The following C11orf65 variants were observed in gnomAD, a reference collection of about 807,000 sequenced individuals.
C11orf65 encodes protein MFI.
Under a neutral mutation model 35.3 loss-of-function variants are expected in C11orf65, and 38 were observed. That is an observed-to-expected ratio of 1.08 (90% CI 0.83 to 1.41). The LOEUF (loss-of-function observed/expected upper bound fraction) is 1.41. C11orf65 is among the 40% of genes most tolerant of loss of function. C11orf65 has a pLI of 0.00. For missense variants in C11orf65, 370 were observed against 367.1 expected, an observed-to-expected ratio of 1.01 and a Z score of -0.06; for synonymous variants, 105 against 114.4, an observed-to-expected ratio of 0.92 and a Z score of 0.53.
At chr11:108,393,925 A>C (rs575249963) in intron 6 of C11orf65, among the ~76,000 whole-genome samples, 1 of 152,196 alleles carries the variant, frequency 6.6e-6, no homozygotes, top group African/African-American at 2.4e-5. Context: ...GCTCACGCCT[A>C]TAATCACAGA....
chr11:108,312,553 A>ATAC (rs2084266341), intron 6 of C11orf65: 2 of 1,303,734 alleles, frequency 1.5e-6, no homozygotes, highest in South Asian at 2.4e-5. Flanking sequence ...ACTTTGGGTT[A>ATAC]TTTTGTTATA....
rs982496641 is a variant in C11orf65 at position 108,436,260 on chromosome 11, C to G, written c.82-4422G>C. Among the ~76,000 whole-genome samples, 4 of 152,126 alleles carry G rather than the reference C, an allele frequency of 2.6e-5. No individual in the cohort carries two copies. The South Asian group carries it at 8.3e-4, about 32-fold the overall frequency. ...ACGCTTGATTTTAGCCCAGTGAAGCCCATTTCAGACTTCTGACCTCCAGAA... is the reference window on the plus strand; with the variant it reads ...ACGCTTGATTTTAGCCCAGTGAAGCGCATTTCAGACTTCTGACCTCCAGAA... On this transcript the variant is annotated intron_variant, in intron 2 of 8. Transcript: ENST00000393084.
At chr11:108,348,638 G>A (rs1022345777) in intron 2 of C11orf65, among the ~76,000 whole-genome samples, 3 of 151,580 alleles carry the variant, frequency 2.0e-5, no homozygotes, top group African/African-American at 7.3e-5. Context: ...TTAATCACTA[G>A]GTGATAATTT....
At chr11:108,457,869 TC>T (rs1325285491) in intron 2 of C11orf65, among the ~76,000 whole-genome samples, 1 of 152,160 alleles carries the variant, frequency 6.6e-6, no homozygotes, top group African/African-American at 2.4e-5. Context: ...AAACTATGCA[TC>T]CTTTTTTTAG....
chr11:108,381,455 T>A (rs1384035701), downstream of C11orf65, among the ~76,000 whole-genome samples: 1 of 152,224 alleles, frequency 6.6e-6, no homozygotes, highest in Admixed American at 6.5e-5. Context: ...CTGGTTTCTC[T>A]GTCCACTAGT....
chr11:108,377,637 C>T (rs1485541307), intron 2 of C11orf65, among the ~76,000 whole-genome samples: 7 of 151,074 alleles, frequency 4.6e-5, no homozygotes, highest in Non-Finnish European at 1.0e-4. Flanking sequence ...CCAGGGCAAT[C>T]AGGCAGGAGA....
At chr11:108,314,220 A>G (rs2084412371) in intron 6 of C11orf65, among the ~76,000 whole-genome samples, 2 of 152,048 alleles carry the variant, frequency 1.3e-5, no homozygotes, top group Non-Finnish European at 2.9e-5. Flanking sequence ...GGCTCAAGCC[A>G]TCCTCCAACC....
At chr11:108,433,475 G>C (rs2093021203) in intron 2 of C11orf65, among the ~76,000 whole-genome samples, 1 of 152,102 alleles carries the variant, frequency 6.6e-6, no homozygotes, top group Non-Finnish European at 1.5e-5. Flanking sequence ...AGCTACTCGG[G>C]AGGCTGAGGC....
intron 2 of C11orf65, among the ~76,000 whole-genome samples, chr11:108,361,770 T>C (rs571805027): frequency 1.2e-3 from 181 of 152,256 alleles, no homozygotes; most frequent in Non-Finnish European, 1.8e-3. Flanking sequence ...ACTGGATCCC[T>C]TCCTTACACC....
chr11:108,452,951 G>T (rs1262739221), intron 2 of C11orf65, among the ~76,000 whole-genome samples: 71 of 138,216 alleles, frequency 5.1e-4, no homozygotes, highest in African/African-American at 1.8e-3. Flanking sequence ...ATTAAACAAT[G>T]AGAACACTTG....
At chr11:108,451,833 G>C (rs936991524) in intron 2 of C11orf65, among the ~76,000 whole-genome samples, 1 of 152,144 alleles carries the variant, frequency 6.6e-6, no homozygotes. Flanking sequence ...ACAGAACAAA[G>C]TTCTCAGAAA....
At chr11:108,412,568 C>T (rs1305226939) in intron 3 of C11orf65, among the ~76,000 whole-genome samples, 2 of 151,984 alleles carry the variant, frequency 1.3e-5, no homozygotes, top group Admixed American at 1.3e-4. Context: ...ACTCTGACTC[C>T]ACGCAAAAAA....
rs182827750 is a variant in C11orf65 at position 108,437,549 on chromosome 11, C to T, written c.82-5711G>A. 5.8e-4 allele frequency among the ~76,000 whole-genome samples: 88 copies of T among 151,196 alleles called. 1 individual carries two copies. Among genetic ancestry groups the T allele is most frequent in the Non-Finnish European group, 1.1e-3 (75 of 67,768 alleles). On this transcript the variant is annotated intron_variant, in intron 2 of 8. Transcript: ENST00000393084. ...TGAAACCCCGTCTCTACTAAGCATA[C>T]AAAAATTAGCTGGGCATGGTGGCGC...
chr11:108,372,619 T>A (rs1399436939), intron 2 of C11orf65, among the ~76,000 whole-genome samples: 1 of 152,218 alleles, frequency 6.6e-6, no homozygotes, highest in Non-Finnish European at 1.5e-5. Context: ...GTGTAAAGCA[T>A]CATGGACAAG....
upstream of C11orf65, among the ~76,000 whole-genome samples, chr11:108,467,752 A>G (rs568378185): frequency 1.3e-5 from 2 of 152,222 alleles, no homozygotes; most frequent in African/African-American, 2.4e-5. Context: ...GGCTTAGTAT[A>G]TAATAAAGCC....
chr11:108,445,481 C>T (rs1462070707), intron 2 of C11orf65, among the ~76,000 whole-genome samples: 2 of 152,188 alleles, frequency 1.3e-5, no homozygotes, highest in Non-Finnish European at 1.5e-5. Flanking sequence ...CGCTGTTCTG[C>T]AGCCACCACT....
At chr11:108,375,553 A>C (rs938629118) in intron 2 of C11orf65, among the ~76,000 whole-genome samples, 2 of 151,820 alleles carry the variant, frequency 1.3e-5, no homozygotes, top group African/African-American at 4.9e-5. Flanking sequence ...AAAGACCATC[A>C]AGACTAGGAA....
chr11:108,339,668 G>A (rs2136819424), intron 2 of C11orf65, among the ~76,000 whole-genome samples: 1 of 152,188 alleles, frequency 6.6e-6, no homozygotes, highest in African/African-American at 2.4e-5. Flanking sequence ...GAGACTCTAA[G>A]CTGAGGTAGA....
intron 2 of C11orf65, among the ~76,000 whole-genome samples, chr11:108,433,991 G>C (rs2135446077): frequency 6.6e-6 from 1 of 152,284 alleles, no homozygotes; most frequent in Non-Finnish European, 1.5e-5. Context: ...GGTGACAAGT[G>C]GTCTGGGGAA....
Sources: gnomAD v4.1 joint callset for allele counts (sites outside exome capture counted in the v4.1 genomes callset) on GRCh38, gnomAD v4.1.1 for gene constraint, MANE v1.5 for transcripts, NCBI Gene and HGNC (gene_info 2026-07-23, HGNC 2026-07-21) for gene names.